The following PCGF3 variants were observed in gnomAD, a reference collection of about 807,000 sequenced individuals.
The protein encoded by PCGF3 is polycomb group ring finger 3.
A neutral mutation model predicts 33.1 loss-of-function variants in PCGF3; 7 were observed. That is an observed-to-expected ratio of 0.21 (90% CI 0.12 to 0.40). The LOEUF (loss-of-function observed/expected upper bound fraction) is 0.40, where lower values mean the gene tolerates loss of function less well. Ranked by LOEUF, PCGF3 falls within the 10% of genes least tolerant of loss-of-function variation. PCGF3 has a pLI of 1.00. For synonymous variants in PCGF3, 153 were observed against 121.3 expected, an observed-to-expected ratio of 1.26 and a Z score of -1.72; for missense variants, 211 against 313.3, an observed-to-expected ratio of 0.67 and a Z score of 2.46.
At position 744,639 on chromosome 4, in the gene PCGF3, CGGA is replaced by C. The variant is rs561741012; in HGVS notation, c.418_420del (p.Glu140del). 2.4e-5 allele frequency: 38 copies of C among 1,562,036 alleles called. No homozygotes were observed. The African/African-American group carries it at 3.3e-4, about 13-fold the overall frequency. On this transcript the variant is annotated inframe_deletion, in exon 8 of 11. Transcript: ENST00000362003. ...GACGACAGTTCAAACAAAGAGGCCGCGGAGGAGAAGCCGGAGGAGGACAACGAC... is the reference window on the plus strand; with the variant it reads ...GACGACAGTTCAAACAAAGAGGCCGCGGAGAAGCCGGAGGAGGACAACGAC...
chr4:719,558 G>A (rs1742992134), intron 1 of PCGF3, among the ~76,000 whole-genome samples: 2 of 152,258 alleles, frequency 1.3e-5, no homozygotes, highest in Non-Finnish European at 2.9e-5. Flanking sequence ...GTGTGTGTCT[G>A]TGGTGCAGCT....
chr4:766,278 A>G (rs1004558502), exon 11 of PCGF3: 3 of 561,192 alleles, frequency 5.3e-6, no homozygotes, highest in Middle Eastern at 8.2e-4. Flanking sequence ...AACACTTCAC[A>G]GTCTCCCAGA....
chr4:758,511 T>C (rs372039136), intron 8 of PCGF3, among the ~76,000 whole-genome samples: 5,606 of 92,958 alleles, frequency 0.06, 311 homozygotes, highest in Middle Eastern at 0.12. Context: ...CTCCGGACTC[T>C]GGGTCTTTCT....
intron 3 of PCGF3, among the ~76,000 whole-genome samples, chr4:732,905 T>A (rs904115862): frequency 6.6e-6 from 1 of 152,232 alleles, no homozygotes; most frequent in Non-Finnish European, 1.5e-5. Context: ...AGGCTCTGCC[T>A]GCCGTCGTGC....
intron 3 of PCGF3, among the ~76,000 whole-genome samples, chr4:733,099 T>G (rs1743677598): frequency 6.7e-6 from 1 of 148,940 alleles, no homozygotes; most frequent in Non-Finnish European, 1.5e-5. Context: ...CCTCCGCCCC[T>G]GCCCCGTGCT....
chr4:741,388 A>C (rs1744083308), intron 6 of PCGF3, among the ~76,000 whole-genome samples: 1 of 152,324 alleles, frequency 6.6e-6, no homozygotes, highest in Middle Eastern at 3.4e-3. Context: ...GTCCAGAGAC[A>C]GTGAGCTCTT....
At chr4:739,494 T>G (rs957883333) in intron 6 of PCGF3, among the ~76,000 whole-genome samples, 11 of 152,184 alleles carry the variant, frequency 7.2e-5, no homozygotes, top group African/African-American at 2.7e-4. Flanking sequence ...ACCCAGCCTG[T>G]TTTTGTTTAT....
At position 765,468 on chromosome 4, in the gene PCGF3, ATTG is replaced by A. The variant is rs549604013; in HGVS notation, c.681+409_681+411del. On this transcript the variant is annotated intron_variant, in intron 10 of 10. Coordinates refer to ENST00000362003, the Ensembl canonical transcript of PCGF3. ...AAAAAGTGATGACTCAGCTACAGAA[ATTG>A]TTGTGAAACACAGTTCTGGTCTTTC... 1.3e-3 allele frequency among the ~76,000 whole-genome samples: 198 copies of A among 151,720 alleles called. 3 individuals are homozygous for A. Among genetic ancestry groups the A allele is most frequent in the Non-Finnish European group, 4.4e-4 (30 of 67,960 alleles).
chr4:733,545 A>T lies in PCGF3; in HGVS notation c.-9-127A>T. On this transcript the variant is annotated intron_variant, in intron 3 of 10. Transcript: ENST00000362003. Reference sequence around the variant, plus strand: ...TGGGAGCCTGGGACCCCGTGAGCCCAAGAGGCTCCTGCCACCCAGGCCTCA... The same window carrying T: ...TGGGAGCCTGGGACCCCGTGAGCCCTAGAGGCTCCTGCCACCCAGGCCTCA... 6 of 913,326 alleles carry T rather than the reference A, an allele frequency of 6.6e-6. No individual in the cohort carries two copies. The South Asian group carries it at 8.5e-5, about 13-fold the overall frequency. The allele number at this position is 913,326 out of a possible 1,614,324, so 56.6% of individuals were successfully genotyped here.
At chr4:747,682 G>T (rs1365926230) in intron 8 of PCGF3, among the ~76,000 whole-genome samples, 1 of 138,394 alleles carries the variant, frequency 7.2e-6, no homozygotes. Context: ...TGCAGTGTTA[G>T]TGCTCGCCGT....
chr4:726,466 G>C (rs1175674534), intron 1 of PCGF3, among the ~76,000 whole-genome samples: 1 of 152,248 alleles, frequency 6.6e-6, no homozygotes, highest in Non-Finnish European at 1.5e-5. Flanking sequence ...GGCCCTGGAG[G>C]CACTGCCGAA....
chr4:763,140 G>A (rs748555541), intron 9 of PCGF3, among the ~76,000 whole-genome samples: 2 of 151,984 alleles, frequency 1.3e-5, no homozygotes, highest in East Asian at 1.9e-4. Context: ...GTCAGGACAC[G>A]GGGGGAAGGG....
At chr4:733,002 C>T (rs934033407) in intron 3 of PCGF3, among the ~76,000 whole-genome samples, 31 of 151,232 alleles carry the variant, frequency 2.0e-4, no homozygotes, top group Non-Finnish European at 3.7e-4. Context: ...GGGCCTCTGC[C>T]AGCCACTGTG....
At chr4:736,130 C>G (rs1743811885) in intron 5 of PCGF3, among the ~76,000 whole-genome samples, 1 of 152,084 alleles carries the variant, frequency 6.6e-6, no homozygotes, top group Admixed American at 6.5e-5. Flanking sequence ...TCACCGCAAC[C>G]TCCACCTCCC....
At chr4:726,812 T>C (rs1282770859) in intron 1 of PCGF3, among the ~76,000 whole-genome samples, 1 of 152,216 alleles carries the variant, frequency 6.6e-6, no homozygotes, top group Admixed American at 6.5e-5. Flanking sequence ...TCACCAGTTT[T>C]ATTGTGCAGT....
At chr4:726,646 G>A (rs1323966719) in intron 1 of PCGF3, among the ~76,000 whole-genome samples, 2 of 152,106 alleles carry the variant, frequency 1.3e-5, no homozygotes, top group African/African-American at 2.4e-5. Context: ...AAAGGTTCAC[G>A]GTCGCCTTTT....
intron 1 of PCGF3, among the ~76,000 whole-genome samples, chr4:716,702 G>C (rs1742863612): frequency 6.9e-6 from 1 of 144,762 alleles, no homozygotes; most frequent in South Asian, 2.3e-4. Flanking sequence ...CTGGGCGTCG[G>C]TGCTGGGACC....
exon 11 of PCGF3, chr4:766,061 C>G (rs1305416514): frequency 1.9e-6 from 3 of 1,614,016 alleles, no homozygotes; most frequent in South Asian, 1.1e-5. Context: ...ACTACAGACC[C>G]AAGATGGACT....
intron 4 of PCGF3, chr4:734,435 G>A: frequency 7.8e-7 from 1 of 1,289,206 alleles, no homozygotes; most frequent in East Asian, 3.0e-5. Flanking sequence ...TGATGCTTGT[G>A]TATTTCTCAC....
Sources: gnomAD v4.1 joint callset for allele counts (sites outside exome capture counted in the v4.1 genomes callset) on GRCh38, gnomAD v4.1.1 for gene constraint, MANE v1.5 for transcripts, NCBI Gene and HGNC (gene_info 2026-07-23, HGNC 2026-07-21) for gene names.